The following PRKCA variants were observed in gnomAD, a reference collection of about 807,000 sequenced individuals.
PRKCA encodes protein kinase C alpha type.
Under a neutral mutation model 87.0 loss-of-function variants are expected in PRKCA, and 27 were observed. The ratio of observed to expected loss-of-function variants is 0.31; its 90% confidence interval spans 0.23 to 0.43. The LOEUF is 0.43. PRKCA is among the 20% of genes least tolerant of loss of function. The pLI is 1.00. For missense variants in PRKCA, 518 were observed against 852.3 expected, an observed-to-expected ratio of 0.61 and a Z score of 4.88; for synonymous variants, 329 against 311.1, an observed-to-expected ratio of 1.06 and a Z score of -0.61.
intron 2 of PRKCA, among the ~76,000 whole-genome samples, chr17:66,403,028 TTTA>T (rs1258454981): frequency 6.6e-6 from 1 of 152,208 alleles, no homozygotes; most frequent in African/African-American, 2.4e-5. Context: ...GATTGGTTTC[TTTA>T]TTATCACGGT....
intron 2 of PRKCA, among the ~76,000 whole-genome samples, chr17:66,393,502 C>G (rs907376040): frequency 1.3e-5 from 2 of 152,130 alleles, no homozygotes; most frequent in Non-Finnish European, 1.5e-5. Context: ...TGGAGAACAG[C>G]TCGGAGGGAT....
chr17:66,547,680 A>G (rs1702402196), intron 3 of PRKCA, among the ~76,000 whole-genome samples: 1 of 152,242 alleles, frequency 6.6e-6, no homozygotes, highest in African/African-American at 2.4e-5. Flanking sequence ...TCATTTTGAC[A>G]GCTTCAAATA....
At chr17:66,470,719 G>C (rs1281218218) in intron 2 of PRKCA, among the ~76,000 whole-genome samples, 3 of 152,184 alleles carry the variant, frequency 2.0e-5, no homozygotes, top group African/African-American at 7.2e-5. Flanking sequence ...TGAAGGACTT[G>C]ACATTCTAGG....
At chr17:66,573,411 G>A (rs927286935) in intron 3 of PRKCA, among the ~76,000 whole-genome samples, 9 of 152,260 alleles carry the variant, frequency 5.9e-5, no homozygotes, top group African/African-American at 7.2e-5. Flanking sequence ...TGATCAGTTC[G>A]TTTTCTGCTG....
chr17:66,683,162 CATCT>C lies in PRKCA; in HGVS notation c.530-3946_530-3943del, dbSNP rs1429180024. Among the ~76,000 whole-genome samples, 6 of 152,210 alleles carry C rather than the reference CATCT, an allele frequency of 3.9e-5. No individual in the cohort carries two copies. The East Asian group carries it at 7.7e-4, about 19-fold the overall frequency. On this transcript the variant is annotated intron_variant, in intron 5 of 16. Transcript: ENST00000413366. ...ACTGGATCCAGCTAGAAATGAATAA[CATCT>C]ATTTTCATTGTGTTTACTTTTATGG...
intron 3 of PRKCA, among the ~76,000 whole-genome samples, chr17:66,544,378 A>G (rs936743635): frequency 1.3e-5 from 2 of 152,188 alleles, no homozygotes; most frequent in South Asian, 2.1e-4. Flanking sequence ...GTATATTGAC[A>G]TATTTTGTTT....
chr17:66,756,043 G>A (rs745820989), intron 13 of PRKCA, among the ~76,000 whole-genome samples: 1 of 152,224 alleles, frequency 6.6e-6, no homozygotes, highest in Non-Finnish European at 1.5e-5. Context: ...TGGAGGCTAA[G>A]TGTGGACAAG....
intron 2 of PRKCA, among the ~76,000 whole-genome samples, chr17:66,487,501 C>T (rs765186690): frequency 2.6e-5 from 4 of 152,170 alleles, no homozygotes; most frequent in Non-Finnish European, 4.4e-5. Flanking sequence ...GATGTCTCAT[C>T]GGTAGACTGA....
chr17:66,406,549 C>T (rs936164106), intron 2 of PRKCA, among the ~76,000 whole-genome samples: 2 of 130,372 alleles, frequency 1.5e-5, no homozygotes, highest in African/African-American at 5.6e-5. Flanking sequence ...GAAAACGCTG[C>T]CCAGGCAGCT....
intron 14 of PRKCA, among the ~76,000 whole-genome samples, chr17:66,785,440 C>T (rs943388393): frequency 2.6e-5 from 4 of 152,280 alleles, no homozygotes; most frequent in East Asian, 1.9e-4. Context: ...CTCTTTCCCA[C>T]GAGAAAGGAA....
chr17:66,428,752 C>T (rs1250962913), intron 2 of PRKCA, among the ~76,000 whole-genome samples: 1 of 152,150 alleles, frequency 6.6e-6, no homozygotes, highest in Admixed American at 6.5e-5. Context: ...GATCCGCCCA[C>T]TCTGGCCTCC....
intron 2 of PRKCA, among the ~76,000 whole-genome samples, chr17:66,374,873 A>G (rs1333164468): frequency 6.6e-6 from 1 of 151,798 alleles, no homozygotes; most frequent in Non-Finnish European, 1.5e-5. Context: ...GACTACAGGC[A>G]CTTGCCACCA....
chr17:66,427,309 G>C (rs1322723169), intron 2 of PRKCA, among the ~76,000 whole-genome samples: 1 of 152,234 alleles, frequency 6.6e-6, no homozygotes, highest in Non-Finnish European at 1.5e-5. Context: ...TGGGATCATA[G>C]GCATGCACCA....
chr17:66,354,158 A>G (rs1027299027), intron 2 of PRKCA, among the ~76,000 whole-genome samples: 47 of 152,216 alleles, frequency 3.1e-4, no homozygotes, highest in African/African-American at 1.1e-3. Flanking sequence ...GTTGGTGTGT[A>G]TCTCCAGAGT....
intron 3 of PRKCA, among the ~76,000 whole-genome samples, chr17:66,613,680 A>ATCTCCTC (rs1479427482): frequency 6.7e-6 from 1 of 149,892 alleles, no homozygotes; most frequent in African/African-American, 2.5e-5. Flanking sequence ...TCACATGGCC[A>ATCTCCTC]TCTCCTCTCT....
At chr17:66,694,451 A>T (rs1972865839) in intron 8 of PRKCA, among the ~76,000 whole-genome samples, 1 of 136,634 alleles carries the variant, frequency 7.3e-6, no homozygotes, top group South Asian at 2.4e-4. Context: ...ACTGCACTCC[A>T]GCTTGGGCGA....
In PRKCA at chr17:66,626,219, CAG is replaced by C. The variant is rs530175071; in HGVS notation, c.289-15133_289-15132del. Among the ~76,000 whole-genome samples, 60 of 148,890 alleles carry C rather than the reference CAG, an allele frequency of 4.0e-4. No homozygotes were observed. In the East Asian group the frequency reaches 0.011, roughly 26 times the overall value. On this transcript the variant is annotated intron_variant, in intron 3 of 16. Transcript: ENST00000413366. Reference sequence around the variant, plus strand: ...TTTCTTTTCTTTTTTTTTTTTGAGACAGAGTCTCACTCTGTCATCCAGCAGTG... The same window carrying C: ...TTTCTTTTCTTTTTTTTTTTTGAGACAGTCTCACTCTGTCATCCAGCAGTG...
At chr17:66,570,733 T>C (rs1039916283) in intron 3 of PRKCA, among the ~76,000 whole-genome samples, 2 of 152,292 alleles carry the variant, frequency 1.3e-5, no homozygotes, top group African/African-American at 4.8e-5. Context: ...CGTCTGGAGC[T>C]GTGTATTTAA....
At chr17:66,496,429 G>C (rs1026524471) in intron 3 of PRKCA, 146 bp downstream of exon 3, 1 of 663,380 alleles carries the variant, frequency 1.5e-6, no homozygotes, top group Non-Finnish European at 2.6e-6. Flanking sequence ...GTAATGAGCA[G>C]ATTTATAGCC....
Sources: gnomAD v4.1 joint callset for allele counts (sites outside exome capture counted in the v4.1 genomes callset) on GRCh38, gnomAD v4.1.1 for gene constraint, MANE v1.5 for transcripts, NCBI Gene and HGNC (gene_info 2026-07-23, HGNC 2026-07-21) for gene names.